The following ESR1 variants were observed in gnomAD, a reference collection of about 807,000 sequenced individuals.
ESR1 encodes the protein estrogen receptor.
A neutral mutation model predicts 52.7 loss-of-function variants in ESR1; 12 were observed. That is an observed-to-expected ratio of 0.23 (90% CI 0.15 to 0.37). The LOEUF is 0.37. Among genes scored for constraint, ESR1 ranks in the 10% least tolerant of loss-of-function variants. ESR1 has a pLI of 1.00. For missense variants in ESR1, 584 were observed against 779.7 expected, an observed-to-expected ratio of 0.75 and a Z score of 2.99; for synonymous variants, 305 against 316.8, an observed-to-expected ratio of 0.96 and a Z score of 0.39.
rs996624950 is a variant in ESR1 at position 151,895,515 on chromosome 6, C to T, written c.760+14744C>T. Among the ~76,000 whole-genome samples, 8 of 152,140 alleles carry T rather than the reference C, an allele frequency of 5.3e-5. 1 individual carries two copies. The highest frequency in any genetic ancestry group is 3.9e-4 in the Admixed American group (6 of 15,262). On this transcript the variant is annotated intron_variant, in intron 3 of 7. Coordinates refer to ENST00000206249, the MANE Select transcript of ESR1 (RefSeq NM_000125.4). ...TTTTCCCCATTCAGTATTATGTTGGCTGTGGGTTTATCATAGATGCCTTTT... is the reference window on the plus strand; with the variant it reads ...TTTTCCCCATTCAGTATTATGTTGGTTGTGGGTTTATCATAGATGCCTTTT...
intron 1 of ESR1, among the ~76,000 whole-genome samples, chr6:151,832,084 A>G (rs2093086083): frequency 6.6e-6 from 1 of 152,240 alleles, no homozygotes; most frequent in Non-Finnish European, 1.5e-5. Context: ...ATAAAATTAA[A>G]TAAATATTGT....
intron 3 of ESR1, among the ~76,000 whole-genome samples, chr6:151,907,741 A>G (rs543799239): frequency 8.5e-5 from 13 of 152,168 alleles, no homozygotes; most frequent in Non-Finnish European, 1.9e-4. Context: ...ACGCCACAGT[A>G]ATTATCTCAC....
chr6:152,055,544 C>T (rs1010640900), intron 5 of ESR1, among the ~76,000 whole-genome samples: 1 of 152,226 alleles, frequency 6.6e-6, no homozygotes, highest in Non-Finnish European at 1.5e-5. Flanking sequence ...TTTTACTTTT[C>T]ATCGCTTAAT....
At chr6:151,688,679 A>C (rs1026470135), upstream of ESR1, among the ~76,000 whole-genome samples, 1 of 152,168 alleles carries the variant, frequency 6.6e-6, no homozygotes, top group African/African-American at 2.4e-5. Context: ...ACTGAACATG[A>C]CTTTGCTCTT....
chr6:152,112,955 A>G (rs1174920233), intron 6 of ESR1: 1 of 152,310 alleles, frequency 6.6e-6, no homozygotes, highest in Non-Finnish European at 1.5e-5. Flanking sequence ...GGATGTCACG[A>G]ACGTGTTTTC....
At chr6:151,770,272 A>G (rs1785406672) in intron 2 of ESR1, among the ~76,000 whole-genome samples, 1 of 152,236 alleles carries the variant, frequency 6.6e-6, no homozygotes, top group South Asian at 2.1e-4. Context: ...AGAAAATATT[A>G]TGCAATACTT....
chr6:151,850,046 T>TA (rs1562474143), intron 2 of ESR1, among the ~76,000 whole-genome samples: 3 of 57,458 alleles, frequency 5.2e-5, no homozygotes, highest in South Asian at 1.0e-3. Context: ...ATATATAATT[T>TA]TATATATATA....
intron 1 of ESR1, among the ~76,000 whole-genome samples, chr6:151,662,676 G>A (rs1777677521): frequency 6.6e-6 from 1 of 152,224 alleles, no homozygotes; most frequent in Non-Finnish European, 1.5e-5. Flanking sequence ...TGTACCATGA[G>A]GAAGTTCTGG....
chr6:151,785,639 AGGTGG>A (rs929505438), intron 2 of ESR1, among the ~76,000 whole-genome samples: 18 of 152,292 alleles, frequency 1.2e-4, no homozygotes, highest in African/African-American at 4.1e-4. Flanking sequence ...GTTTACTTGG[AGGTGG>A]CTCAAAACAC....
In ESR1 at chr6:151,860,926, C is replaced by T. The variant is rs563684706; in HGVS notation, c.643+18139C>T. Reference sequence around the variant, plus strand: ...CTTGTTTTTTTAAACCTCATGAACACGAAGCTTTAGATAGCGGAGGTCATG... The same window carrying T: ...CTTGTTTTTTTAAACCTCATGAACATGAAGCTTTAGATAGCGGAGGTCATG... On this transcript the variant is annotated intron_variant, in intron 2 of 7. Transcript: ENST00000206249. 5.3e-5 allele frequency among the ~76,000 whole-genome samples: 8 copies of T among 152,214 alleles called. No homozygotes were observed. In the South Asian group the frequency reaches 6.2e-4, roughly 12 times the overall value.
At chr6:151,929,986 CTT>C (rs144067358) in intron 3 of ESR1, among the ~76,000 whole-genome samples, 18 of 142,554 alleles carry the variant, frequency 1.3e-4, no homozygotes, top group Admixed American at 2.1e-4. Context: ...AACTATACTT[CTT>C]TTTTTTTTTT....
intron 2 of ESR1, among the ~76,000 whole-genome samples, chr6:151,773,816 G>A (rs1349893651): frequency 3.3e-5 from 5 of 152,204 alleles, no homozygotes; most frequent in Admixed American, 1.3e-4. Flanking sequence ...TCCTCTGGTG[G>A]CAAAGGATTG....
chr6:151,777,306 A>G (rs1786102429), intron 2 of ESR1, among the ~76,000 whole-genome samples: 1 of 151,734 alleles, frequency 6.6e-6, no homozygotes, highest in African/African-American at 2.4e-5. Flanking sequence ...TTTAGTAGAG[A>G]CACGGTTTTA....
At chr6:152,029,018 C>T (rs2044425799) in intron 5 of ESR1, among the ~76,000 whole-genome samples, 2 of 152,214 alleles carry the variant, frequency 1.3e-5, no homozygotes, top group African/African-American at 4.8e-5. Flanking sequence ...GCTGCTGATA[C>T]CCAGGCAAAC....
chr6:151,831,086 C>T (rs1336477405), intron 1 of ESR1, among the ~76,000 whole-genome samples: 1 of 151,978 alleles, frequency 6.6e-6, no homozygotes, highest in Non-Finnish European at 1.5e-5. Flanking sequence ...ATTAGCATTT[C>T]CCCTCAAAGA....
intron 3 of ESR1, among the ~76,000 whole-genome samples, chr6:151,925,682 T>G (rs2032608286): frequency 6.6e-6 from 1 of 152,168 alleles, no homozygotes; most frequent in East Asian, 1.9e-4. Context: ...TTTGAGGAGT[T>G]TTTTTGTATA....
intron 2 of ESR1, among the ~76,000 whole-genome samples, chr6:151,741,953 C>T (rs966183620): frequency 1.5e-4 from 23 of 152,136 alleles, no homozygotes; most frequent in African/African-American, 5.6e-4. Flanking sequence ...CCAACCCTCC[C>T]CATAACCACT....
intron 2 of ESR1, among the ~76,000 whole-genome samples, chr6:151,734,296 A>G (rs1455743166): frequency 6.6e-6 from 1 of 152,216 alleles, no homozygotes; most frequent in East Asian, 1.9e-4. Context: ...AAAGAAGTGG[A>G]CACAATCCAC....
intron 1 of ESR1, among the ~76,000 whole-genome samples, chr6:151,683,850 C>A (rs371804271): frequency 5.3e-5 from 8 of 150,900 alleles, no homozygotes; most frequent in Admixed American, 4.0e-4. Flanking sequence ...AAGCATGTGC[C>A]ACCACGTCTG....
Sources: gnomAD v4.1 joint callset for allele counts (sites outside exome capture counted in the v4.1 genomes callset) on GRCh38, gnomAD v4.1.1 for gene constraint, MANE v1.5 for transcripts, NCBI Gene and HGNC (gene_info 2026-07-23, HGNC 2026-07-21) for gene names.